DAZAP1: variants seen among roughly 807,000 people sequenced by gnomAD.
The protein encoded by DAZAP1 is DAZ associated protein 1, also known as DAZ-associated protein 1.
DAZAP1 carries 6 observed loss-of-function variants against 60.1 expected under a neutral mutation model. The ratio of observed to expected loss-of-function variants is 0.10; its 90% CI spans 0.05 to 0.20. DAZAP1 has a LOEUF of 0.20. Ranked by LOEUF, DAZAP1 falls within the 10% of genes least tolerant of loss-of-function variation. The probability of loss-of-function intolerance (pLI) is 1.00; values close to 1 mark genes in which losing one functional copy is unlikely to be tolerated. For synonymous variants in DAZAP1, 235 were observed against 215.9 expected, an observed-to-expected ratio of 1.09 and a Z score of -0.78; for missense variants, 366 against 560.4, an observed-to-expected ratio of 0.65 and a Z score of 3.50.
Position 1,430,352 on chromosome 19 carries a change from G to A in DAZAP1, c.861G>A (p.Pro287=), listed in dbSNP as rs374256197. The change falls in exon 10 of 12, where the codon CCG becomes CCA. Residue 287 remains proline, a synonymous_variant. Coordinates refer to ENST00000233078, the MANE Select transcript of DAZAP1 (RefSeq NM_018959.4). ...PQGFPQGYGA[P]PQFSFGYGPP... ...GCTTCCCTCAGGGCTACGGTGCCCC[G>A]CCACAGTTCAGTAAGTCTAGGGGGC... 56 of 1,346,838 alleles carry A rather than the reference G, an allele frequency of 4.2e-5. No individual in the cohort carries two copies. The highest frequency in any genetic ancestry group is 4.8e-5 in the Non-Finnish European group (50 of 1,031,496). The allele number at this position is 1,346,838 out of a possible 1,614,324, so 83.4% of individuals were successfully genotyped here.
At chr19:1,412,775 C>T (rs896074328) in intron 1 of DAZAP1, among the ~76,000 whole-genome samples, 6 of 152,224 alleles carry the variant, frequency 3.9e-5, no homozygotes, top group Non-Finnish European at 4.4e-5. Context: ...GTGGCTGCGC[C>T]GGCCACCGTG....
In DAZAP1 at chr19:1,426,002, G is replaced by A. The variant is rs2083295712; in HGVS notation, c.546+42G>A. ...TTATTTTACCTTAAGACCAAACCAA[G>A]TCTTAGGCAACTTAGGGGTTTCACT... is the stretch of plus-strand genomic sequence containing the variant. On this transcript the variant is annotated intron_variant, in intron 7 of 11. Coordinates refer to ENST00000233078, the MANE Select transcript of DAZAP1 (RefSeq NM_018959.4). This position sits in a 1 kb window ranked among gnomAD's most constrained non-coding sequence, Gnocchi z 5.4. 3 of 1,393,906 alleles carry A rather than the reference G, an allele frequency of 2.2e-6. No homozygotes were observed. Among genetic ancestry groups the A allele is most frequent in the Non-Finnish European group, 3.1e-6 (3 of 979,070 alleles). 86.3% of individuals were successfully genotyped at this position (1,393,906 alleles called of 1,614,324 possible).
intron 1 of DAZAP1, 165 bp from the exon 2 acceptor site, chr19:1,417,335 G>A (rs1037452978): frequency 4.0e-6 from 3 of 753,194 alleles, no homozygotes; most frequent in East Asian, 2.7e-5. Context: ...CAGCATGGGC[G>A]AGGCTGACTC....
chr19:1,434,082 G>T lies in DAZAP1; in HGVS notation c.1049-655G>T. 1.8e-6 allele frequency: 1 copy of T among 544,486 alleles called. No individual in the cohort carries two copies. 33.7% of individuals were successfully genotyped at this position (544,486 alleles called of 1,614,324 possible). Reference sequence around the variant, plus strand: ...GGAGGGGCTTCCTGCAAGGTGTGCAGCGGGGTGGGGAGCGGCGTGAGCAGC... The same window carrying T: ...GGAGGGGCTTCCTGCAAGGTGTGCATCGGGGTGGGGAGCGGCGTGAGCAGC... On this transcript the variant is annotated intron_variant, in intron 11 of 11. Transcript: ENST00000233078. This position sits in a 1 kb window ranked among gnomAD's most constrained non-coding sequence, Gnocchi z 8.0.
At position 1,418,747 on chromosome 19, in the gene DAZAP1, G is replaced by T. The variant is rs376260232; in HGVS notation, c.303+16G>T. On this transcript the variant is annotated intron_variant, in intron 4 of 11. Transcript: ENST00000233078. This position sits in a 1 kb window ranked among gnomAD's most constrained non-coding sequence, Gnocchi z 5.7. ...GGAAGGATGGGTAAGGGGCTGGGCC[G>T]GGCGGCCTCCTTGTGTGTTCTCCAC... is the stretch of plus-strand genomic sequence containing the variant. The T allele has an allele frequency of 6.3e-7, 1 of 1,594,848 alleles. No individual in the cohort carries two copies. Among genetic ancestry groups the T allele is most frequent in the South Asian group, 1.1e-5 (1 of 88,042 alleles).
rs774880466 is a variant in DAZAP1, at chr19:1,434,900, C to A, written c.1212C>A (p.Pro404=). Residue 404 remains proline, a synonymous_variant, in exon 12 of 12, where the codon CCC becomes CCA. Transcript: ENST00000233078. This position sits in a 1 kb window ranked among gnomAD's most constrained non-coding sequence, Gnocchi z 8.0. ...ACCACAACGTGCAAGGGTTCCACCCCTACCGACGCTAGCCCGCGGCGCCGC... is the reference window on the plus strand; with the variant it reads ...ACCACAACGTGCAAGGGTTCCACCCATACCGACGCTAGCCCGCGGCGCCGC... ...GQNHNVQGFH[P]YRR 1.3e-6 allele frequency: 2 copies of A among 1,497,452 alleles called. No homozygotes were observed. Among genetic ancestry groups the A allele is most frequent in the African/African-American group, 2.9e-5 (2 of 69,314 alleles). 92.8% of individuals were successfully genotyped at this position (1,497,452 alleles called of 1,614,324 possible). A position where few individuals can be genotyped will look rare whatever the true frequency, so the allele number is the denominator to read the frequency against.
In DAZAP1 at chr19:1,434,750, G is replaced by C; in HGVS notation, c.1062G>C (p.Gln354His). ...FPYGQYAGYG[Q>H]DLSGFGQGFS... is the part of the protein sequence containing the mutation. The stretch of plus-strand genomic sequence containing the variant: ...TTTCTCCCCCAGCAGGTTACGGGCA[G>C]GACTTGAGTGGCTTCGGACAGGGCT... Residue 354 changes from glutamine (Q) to histidine (H), a missense_variant, in exon 12 of 12, where the codon CAG becomes CAC. Transcript: ENST00000233078. The surrounding 1 kb of genome is among the most constrained non-coding windows in gnomAD (Gnocchi z 8.0). 6.2e-7 allele frequency: 1 copy of C among 1,612,748 alleles called. No individual in the cohort carries two copies.
Position 1,432,861 on chromosome 19 carries a change from G to A in DAZAP1, c.1048+171G>A, listed in dbSNP as rs1485370962. 14 of 695,410 alleles carry A rather than the reference G, an allele frequency of 2.0e-5. No homozygotes were observed. The highest frequency in any genetic ancestry group is 3.3e-5 in the Non-Finnish European group (14 of 424,088). 43.1% of individuals were successfully genotyped at this position (695,410 alleles called of 1,614,324 possible). On this transcript the variant is annotated intron_variant, in intron 11 of 11. Coordinates refer to ENST00000233078, the MANE Select transcript of DAZAP1 (RefSeq NM_018959.4). The surrounding 1 kb of genome is among the most constrained non-coding windows in gnomAD (Gnocchi z 4.9). ...TGTTGGAGAGATCTCGTGGCAACTC[G>A]GGTCCAGCAGAAGGGAGCGTGGGAG...
intron 1 of DAZAP1, chr19:1,417,004 C>T (rs2083005319): frequency 4.7e-6 from 1 of 210,610 alleles, no homozygotes; most frequent in Non-Finnish European, 9.5e-6. Flanking sequence ...TGAGTGCAGG[C>T]TCATTGGGAG....
chr19:1,415,394 G>GTGTGTGTT (rs1569048405), intron 1 of DAZAP1, among the ~76,000 whole-genome samples: 3 of 69,838 alleles, frequency 4.3e-5, no homozygotes, highest in African/African-American at 1.4e-4. Flanking sequence ...TGTGTGTTTT[G>GTGTGTGTT]TTTTTTTTTT....
At chr19:1,412,737 C>T (rs759349809) in intron 1 of DAZAP1, among the ~76,000 whole-genome samples, 6 of 152,336 alleles carry the variant, frequency 3.9e-5, no homozygotes, top group Middle Eastern at 6.8e-3. Context: ...CCATCCAAAA[C>T]GGCTTTTGCT....
At chr19:1,419,409 G>A (rs2083080776) in intron 4 of DAZAP1, among the ~76,000 whole-genome samples, 1 of 152,186 alleles carries the variant, frequency 6.6e-6, no homozygotes, top group Non-Finnish European at 1.5e-5. Context: ...GGGCAGCAGG[G>A]TGGGGTCTAT....
chr19:1,411,626 A>G (rs2144705902), intron 1 of DAZAP1, among the ~76,000 whole-genome samples: 1 of 152,350 alleles, frequency 6.6e-6, no homozygotes, highest in South Asian at 2.1e-4. Flanking sequence ...TTCACACAGC[A>G]GCTCCCCAGT....
intron 8 of DAZAP1, 53 bp from the exon 9 acceptor site, chr19:1,429,914 G>T (rs370702256): frequency 3.2e-6 from 5 of 1,552,284 alleles, no homozygotes; most frequent in Middle Eastern, 1.7e-4. Context: ...CCTTCTCTGC[G>T]TCGGACAGCT....
rs1376628814 is a variant in DAZAP1, at chr19:1,423,556, C to T, written c.463+1160C>T. On this transcript the variant is annotated intron_variant, in intron 6 of 11. Transcript: ENST00000233078. This position sits in a 1 kb window ranked among gnomAD's most constrained non-coding sequence, Gnocchi z 6.8. The stretch of plus-strand genomic sequence containing the variant: ...TGTCCCGCTTCCTCAGTGGTGATGT[C>T]GCCTCTTGACAGCCGCATTCCTAGA... Among the ~76,000 whole-genome samples the T allele has an allele frequency of 4.6e-5, 7 of 152,212 alleles. No individual in the cohort carries two copies. The highest frequency in any genetic ancestry group is 9.7e-5 in the African/African-American group (4 of 41,436).
intron 10 of DAZAP1, among the ~76,000 whole-genome samples, chr19:1,430,579 G>T (rs537759301): frequency 6.6e-6 from 1 of 152,348 alleles, no homozygotes; most frequent in East Asian, 1.9e-4. Context: ...CCGGGCTCCT[G>T]CGGGTTGGAG....
At chr19:1,424,883 G>C (rs1477897874) in intron 6 of DAZAP1, among the ~76,000 whole-genome samples, 1 of 152,134 alleles carries the variant, frequency 6.6e-6, no homozygotes, top group Non-Finnish European at 1.5e-5. Flanking sequence ...TGTGCTTTGC[G>C]GTGTCACGCT....
At position 1,434,681 on chromosome 19, in the gene DAZAP1, A is replaced by C; in HGVS notation, c.1049-56A>C. On this transcript the variant is annotated intron_variant, in intron 11 of 11. Coordinates refer to ENST00000233078, the MANE Select transcript of DAZAP1 (RefSeq NM_018959.4). This position sits in a 1 kb window ranked among gnomAD's most constrained non-coding sequence, Gnocchi z 8.0. ...AGCTGTGTCCAGGTGGCCTCGCTCG[A>C]CGGCAGTGCCAACCGCCCAGGGACC... 6.3e-7 allele frequency: 1 copy of C among 1,591,552 alleles called. No individual in the cohort carries two copies. The highest frequency in any genetic ancestry group is 2.3e-5 in the East Asian group (1 of 43,604).
At position 1,422,437 on chromosome 19, in the gene DAZAP1, C is replaced by T. The variant is rs751817344; in HGVS notation, c.463+41C>T. ...GTTTGACCTCGGCCTTCTCCCTGCT[C>T]CTCCCTCAGATGGCAAACTATCTCA... On this transcript the variant is annotated intron_variant, in intron 6 of 11. Transcript: ENST00000233078. This position sits in a 1 kb window ranked among gnomAD's most constrained non-coding sequence, Gnocchi z 4.5. 39 of 1,596,542 alleles carry T rather than the reference C, an allele frequency of 2.4e-5. No homozygotes were observed. Among genetic ancestry groups the T allele is most frequent in the Non-Finnish European group, 3.1e-5 (36 of 1,165,106 alleles).
Sources: gnomAD v4.1 joint callset for allele counts (sites outside exome capture counted in the v4.1 genomes callset) on GRCh38, gnomAD v4.1.1 for gene constraint, Gnocchi (gnomAD v3.1) non-coding constraint, MANE v1.5 for transcripts, NCBI Gene and HGNC (gene_info 2026-07-23, HGNC 2026-07-21) for gene names.